OSBP2: variants seen among roughly 807,000 people sequenced by gnomAD.
OSBP2 encodes oxysterol-binding protein 2.
A neutral mutation model predicts 96.0 loss-of-function variants in OSBP2; 66 were observed. The ratio of observed to expected loss-of-function variants is 0.69; its 90% CI spans 0.56 to 0.84. OSBP2 has a LOEUF of 0.84. Among genes scored for constraint, OSBP2 ranks in the 40% least tolerant of loss-of-function variants. OSBP2 has a pLI of 0.00. For missense variants in OSBP2, 1,038 were observed against 1,222.7 expected (o/e 0.85, Z 2.25); for synonymous variants, 525 against 520.9 (o/e 1.01, Z -0.11).
intron 12 of OSBP2, among the ~76,000 whole-genome samples, chr22:30,896,386 GA>G (rs1291885052): frequency 6.6e-6 from 1 of 152,092 alleles, no homozygotes; most frequent in African/African-American, 2.4e-5. Context: ...TAATAATGCA[GA>G]TTTAAAAGTT....
intron 2 of OSBP2, among the ~76,000 whole-genome samples, chr22:30,761,396 A>G (rs1232233944): frequency 1.3e-5 from 2 of 152,220 alleles, no homozygotes; most frequent in Non-Finnish European, 2.9e-5. Flanking sequence ...AAACAAATAT[A>G]GTATCTATAT....
Position 30,871,883 on chromosome 22 carries a change from C to G in OSBP2, c.1107+1201C>G, listed in dbSNP as rs562480512. Among the ~76,000 whole-genome samples, 2 of 152,368 alleles carry G rather than the reference C, an allele frequency of 1.3e-5. No individual in the cohort carries two copies. Among genetic ancestry groups the G allele is most frequent in the African/African-American group, 2.4e-5 (1 of 41,594 alleles). On this transcript the variant is annotated intron_variant, in intron 3 of 13. Coordinates refer to ENST00000332585, the MANE Select transcript of OSBP2 (RefSeq NM_030758.4). This position sits in a 1 kb window ranked among gnomAD's most constrained non-coding sequence, Gnocchi z 4.7. The stretch of plus-strand genomic sequence containing the variant: ...ATTGTGGGGCAGGAGGGCCACCCCA[C>G]CACCCACACCTGCCCAGATATGCTC...
At chr22:30,876,527 G>A (rs938016319) in intron 3 of OSBP2, among the ~76,000 whole-genome samples, 1 of 152,230 alleles carries the variant, frequency 6.6e-6, no homozygotes, top group East Asian at 1.9e-4. Flanking sequence ...GGGTTCACAC[G>A]ATTCCTGAGC....
At chr22:30,694,159 C>T (rs2088975471), upstream of OSBP2, 2 of 1,550,214 alleles carry the variant, frequency 1.3e-6, no homozygotes, top group African/African-American at 2.7e-5. Context: ...TGAGATGTTT[C>T]TTGTACTAAA....
Position 30,747,769 on chromosome 22 carries a change from G to A in OSBP2, c.853+6400G>A, listed in dbSNP as rs536175430. Among the ~76,000 whole-genome samples, 17 of 152,248 alleles carry A rather than the reference G, an allele frequency of 1.1e-4. No individual in the cohort carries two copies. In the South Asian group the frequency reaches 2.1e-3, roughly 19 times the overall value. ...CACATCTGACTGGTGTCCCATCTTC[G>A]GAGCTCAGCCTAATGTCACCTCGAA... On this transcript the variant is annotated intron_variant, in intron 2 of 13. Coordinates refer to ENST00000332585, the MANE Select transcript of OSBP2 (RefSeq NM_030758.4).
intron 2 of OSBP2, among the ~76,000 whole-genome samples, chr22:30,817,048 T>C (rs1359829307): frequency 6.6e-6 from 1 of 152,204 alleles, no homozygotes; most frequent in Admixed American, 6.5e-5. Context: ...ATTTCAATTT[T>C]CTGATCTAAA....
intron 1 of OSBP2, among the ~76,000 whole-genome samples, chr22:30,723,725 T>TA (rs34758344): frequency 6.6e-6 from 1 of 152,098 alleles, no homozygotes; most frequent in Non-Finnish European, 1.5e-5. Flanking sequence ...GATTTTTATT[T>TA]AAAAAAACCT....
In OSBP2 at chr22:30,865,755, A is replaced by C. The variant is rs949284626; in HGVS notation, c.854-4674A>C. Among the ~76,000 whole-genome samples, 13 of 151,872 alleles carry C rather than the reference A, an allele frequency of 8.6e-5. 1 individual carries two copies. Among genetic ancestry groups the C allele is most frequent in the African/African-American group, 2.7e-4 (11 of 41,332 alleles). On this transcript the variant is annotated intron_variant, in intron 2 of 13. Transcript: ENST00000332585. ...TAAGTCCCAGCTCTGCACTGGCCAC[A>C]CACCGGGTGGTTACCATCCTTCCCA... is the stretch of plus-strand genomic sequence containing the variant.
At chr22:30,806,846 C>G (rs190185974) in intron 2 of OSBP2, among the ~76,000 whole-genome samples, 1 of 152,248 alleles carries the variant, frequency 6.6e-6, no homozygotes, top group Admixed American at 6.5e-5. Flanking sequence ...GATTGCCGTT[C>G]GCAGACTGCA....
At chr22:30,753,040 C>T (rs544092598) in intron 2 of OSBP2, among the ~76,000 whole-genome samples, 1 of 152,274 alleles carries the variant, frequency 6.6e-6, no homozygotes, top group South Asian at 2.1e-4. Flanking sequence ...TTGGAATGCC[C>T]TTGGCTGAAA....
At chr22:30,777,240 G>T (rs1260641290) in intron 2 of OSBP2, among the ~76,000 whole-genome samples, 3 of 152,108 alleles carry the variant, frequency 2.0e-5, no homozygotes, top group African/African-American at 7.2e-5. Flanking sequence ...GGGATGATAT[G>T]GTTTGGCTGT....
In OSBP2 at chr22:30,906,320, T is replaced by C. The variant is rs528544450; in HGVS notation, c.2732T>C (p.Met911Thr). The change falls in exon 14 of 14, where the codon ATG (methionine) becomes ACG (threonine). Residue 911 changes from methionine (M) to threonine (T), a missense_variant. This residue lies in a region of OSBP2 where 737 missense variants were observed against 913.3 expected (regional missense o/e 0.81). Coordinates refer to ENST00000332585, the MANE Select transcript of OSBP2 (RefSeq NM_030758.4). ...WEAKEKQDWH[M>T]CPNIF ...GCCAAGGAGAAGCAAGACTGGCATA[T>C]GTGCCCCAACATCTTCTGAGCGCCA... 1 of 1,611,552 alleles carries C rather than the reference T, an allele frequency of 6.2e-7. No homozygotes were observed. Among genetic ancestry groups the C allele is most frequent in the African/African-American group, 1.3e-5 (1 of 75,014 alleles).
Position 30,695,104 on chromosome 22 carries a change from G to A in OSBP2, c.195G>A (p.Leu65=), listed in dbSNP as rs1365991029. ...QPVPEPERGP[L]SEQVSEAVSE... is the part of the protein sequence containing the mutation. ...TGCCCGAACCGGAGCGGGGACCGCT[G>A]TCAGAACAGGTGTCGGAGGCAGTTT... The change falls in exon 1 of 14, where the codon CTG becomes CTA. Residue 65 remains leucine (L), a synonymous_variant. Transcript: ENST00000332585. 30 of 1,585,270 alleles carry A rather than the reference G, an allele frequency of 1.9e-5. No homozygotes were observed. Among genetic ancestry groups the A allele is most frequent in the Middle Eastern group, 1.7e-4 (1 of 5,878 alleles).
chr22:30,906,056 C>T lies in OSBP2; in HGVS notation c.2595C>T (p.Cys865=), dbSNP rs2040328469. ...RLEACGPGSS[C]SSEEEKEADA... The stretch of plus-strand genomic sequence containing the variant: ...AGGCCTGCGGGCCGGGCAGCAGCTG[C>T]AGCTCGGAGGAAGGTGAGGCCGGGC... The change falls in exon 13 of 14, where the codon TGC becomes TGT. Residue 865 remains cysteine, a synonymous_variant. Transcript: ENST00000332585. The T allele has an allele frequency of 1.3e-5, 20 of 1,564,012 alleles. No homozygotes were observed. Among genetic ancestry groups the T allele is most frequent in the Non-Finnish European group, 1.6e-5 (18 of 1,156,792 alleles).
intron 2 of OSBP2, among the ~76,000 whole-genome samples, chr22:30,801,713 C>G (rs554102672): frequency 6.6e-6 from 1 of 152,250 alleles, no homozygotes; most frequent in Admixed American, 6.5e-5. Context: ...TGGCTTATAC[C>G]TGTAATCTCA....
Position 30,871,291 on chromosome 22 carries a change from C to T in OSBP2, c.1107+609C>T, listed in dbSNP as rs375864339. ...GCTCACCCTGGCTCTGGAAGCCACA[C>T]GGCTAGGACTGGGAGCCAGGAGGGT... On this transcript the variant is annotated intron_variant, in intron 3 of 13. Transcript: ENST00000332585. This position sits in a 1 kb window ranked among gnomAD's most constrained non-coding sequence, Gnocchi z 4.7. Among the ~76,000 whole-genome samples, 12 of 152,236 alleles carry T rather than the reference C, an allele frequency of 7.9e-5. No homozygotes were observed. The highest frequency in any genetic ancestry group is 6.2e-4 in the South Asian group (3 of 4,812).
In OSBP2 at chr22:30,870,329, G is replaced by T; in HGVS notation, c.854-100G>T. On this transcript the variant is annotated intron_variant, in intron 2 of 13. Transcript: ENST00000332585. The surrounding 1 kb of genome is among the most constrained non-coding windows in gnomAD (Gnocchi z 4.1). ...ACCATCTCGGGGACTGATGTTTTTT[G>T]AATGGCGCTATCCACCCTGCCCTGC... 8.0e-7 allele frequency: 1 copy of T among 1,252,904 alleles called. No homozygotes were observed. The highest frequency in any genetic ancestry group is 2.0e-5 in the Admixed American group (1 of 49,300). The allele number at this position is 1,252,904 out of a possible 1,614,324, so 77.6% of individuals were successfully genotyped here.
intron 2 of OSBP2, among the ~76,000 whole-genome samples, chr22:30,854,611 T>A (rs2039043550): frequency 6.7e-6 from 1 of 149,854 alleles, no homozygotes; most frequent in Non-Finnish European, 1.5e-5. Flanking sequence ...ACCCGCCCTA[T>A]ATGGTTATCT....
intron 2 of OSBP2, among the ~76,000 whole-genome samples, chr22:30,856,192 C>T (rs2039073419): frequency 6.6e-6 from 1 of 152,058 alleles, no homozygotes; most frequent in African/African-American, 2.4e-5. Flanking sequence ...CCTTCTTTGC[C>T]TCCTACCCCT....
Sources: allele counts gnomAD v4.1 joint callset (sites outside exome capture counted in the v4.1 genomes callset), GRCh38; gene constraint gnomAD v4.1.1; regional missense constraint gnomAD v4.1.1; non-coding constraint Gnocchi (gnomAD v3.1); transcripts MANE v1.5; gene names NCBI Gene and HGNC (gene_info 2026-07-23, HGNC 2026-07-21).